SYTL4: variants seen among roughly 807,000 people sequenced by gnomAD.
The protein encoded by SYTL4 is synaptotagmin like 4.
A neutral mutation model predicts 52.7 loss-of-function variants in SYTL4; 16 were observed. The ratio of observed to expected loss-of-function variants is 0.30; its 90% CI spans 0.21 to 0.46. SYTL4 has a LOEUF of 0.46. SYTL4 is among the 20% of genes least tolerant of loss of function. The pLI, the probability that SYTL4 is intolerant of heterozygous loss-of-function variation, is 1.00. For synonymous variants in SYTL4, 160 were observed against 186.6 expected (o/e 0.86, Z 1.16); for missense variants, 423 against 519.9 (o/e 0.81, Z 1.81).
chrX:100,695,954 T>C (rs1450710350), intron 8 of SYTL4, among the ~76,000 whole-genome samples: 1 of 112,026 alleles, frequency 8.9e-6, no homozygotes, highest in South Asian at 3.8e-4. Context: ...ATGTACTCTT[T>C]ACTGCTTGGC....
rs566824239 is a variant in SYTL4, at chrX:100,700,254, C to T, written c.539+643G>A. On this transcript the variant is annotated intron_variant, in intron 8 of 19. Transcript: ENST00000372989. The stretch of plus-strand genomic sequence containing the variant: ...ATATATATCTCAATAAGGCTGTTAC[C>T]AAAAAAACTCCACTAAAAAAGTGAC... Among the ~76,000 whole-genome samples, 8 of 111,067 alleles carry T rather than the reference C, an allele frequency of 7.2e-5. No homozygotes were observed. The South Asian group carries it at 2.7e-3, about 37-fold the overall frequency.
intron 8 of SYTL4, among the ~76,000 whole-genome samples, chrX:100,699,974 A>T (rs1485756113): frequency 9.0e-6 from 1 of 111,492 alleles, no homozygotes; most frequent in Admixed American, 9.5e-5. Context: ...GAAAGAGGCA[A>T]GTCAAAAAGG....
intron 17 of SYTL4, among the ~76,000 whole-genome samples, chrX:100,679,875 C>A (rs192782266): frequency 1.2e-4 from 13 of 111,972 alleles, no homozygotes; most frequent in African/African-American, 4.2e-4. Context: ...ATTTAAATAT[C>A]TCTTTCTCCA....
rs952200357 is a variant in SYTL4 at position 100,675,754 on chromosome X, T to C, written c.*274A>G. ...AACCTTATAAAGACATAAGAAAAAA[T>C]GGACTCTGAAAATAAACTAGATTAT... On this transcript the variant is annotated 3_prime_UTR_variant, in exon 20 of 20. Coordinates refer to ENST00000372989, the MANE Select transcript of SYTL4 (RefSeq NM_001370165.1). 1.9e-4 allele frequency: 48 copies of C among 253,267 alleles called. No homozygotes were observed. The highest frequency in any genetic ancestry group is 1.3e-3 in the African/African-American group (47 of 35,449). The allele number at this position is 253,267 out of a possible 1,213,427, so 20.9% of individuals were successfully genotyped here.
chrX:100,713,624 GA>G (rs58842955), intron 2 of SYTL4, among the ~76,000 whole-genome samples: 5 of 101,725 alleles, frequency 4.9e-5, no homozygotes, highest in Admixed American at 1.1e-4. Flanking sequence ...TCAAAAGGGG[GA>G]AAAAAAAAAG....
chrX:100,674,685 G>A lies in SYTL4; in HGVS notation c.*1343C>T, dbSNP rs1376556766. On this transcript the variant is annotated 3_prime_UTR_variant, in exon 20 of 20. Coordinates refer to ENST00000372989, the MANE Select transcript of SYTL4 (RefSeq NM_001370165.1). ...AACCACTGTGGCTGCCCTTAATCCA[G>A]TGTGCTTATAGGAAATCAGTTAGCA... 9.0e-6 allele frequency: 1 copy of A among 111,566 alleles called. No individual in the cohort carries two copies. Among genetic ancestry groups the A allele is most frequent in the Non-Finnish European group, 1.9e-5 (1 of 53,135 alleles). The allele number at this position is 111,566 out of a possible 1,213,427, so 9.2% of individuals were successfully genotyped here. A position where few individuals can be genotyped will look rare whatever the true frequency, so the allele number is the denominator to read the frequency against.
At position 100,675,919 on chromosome X, in the gene SYTL4, C is replaced by CAT. The variant is rs2083269514; in HGVS notation, c.*107_*108dup. 1 of 694,842 alleles carries CAT rather than the reference C, an allele frequency of 1.4e-6. No individual in the cohort carries two copies. Among genetic ancestry groups the CAT allele is most frequent in the African/African-American group, 2.3e-5 (1 of 43,528 alleles). 57.3% of individuals were successfully genotyped at this position (694,842 alleles called of 1,213,427 possible). A position where few individuals can be genotyped will look rare whatever the true frequency, so the allele number is the denominator to read the frequency against. Reference sequence around the variant, plus strand: ...ATACACACACACACACACACACACACATACACACATACACACATACACATT... The same window carrying CAT: ...ATACACACACACACACACACACACACATATACACACATACACACATACACATT... On this transcript the variant is annotated 3_prime_UTR_variant, in exon 20 of 20. Coordinates refer to ENST00000372989, the MANE Select transcript of SYTL4 (RefSeq NM_001370165.1).
At position 100,681,353 on chromosome X, in the gene SYTL4, C is replaced by T; in HGVS notation, c.1450-18G>A. The stretch of plus-strand genomic sequence containing the variant: ...GCACTGATCTGAAACACAGGGAAAC[C>T]CAACAGGTCAAGCTGGGCTTCTCAA... On this transcript the variant is annotated intron_variant, in intron 16 of 19. Transcript: ENST00000372989. 8.7e-7 allele frequency: 1 copy of T among 1,151,666 alleles called. No individual in the cohort carries two copies. Among genetic ancestry groups the T allele is most frequent in the Non-Finnish European group, 1.2e-6 (1 of 844,895 alleles). The allele number at this position is 1,151,666 out of a possible 1,213,427, so 94.9% of individuals were successfully genotyped here. A position where few individuals can be genotyped will look rare whatever the true frequency, so the allele number is the denominator to read the frequency against.
chrX:100,701,743 A>T lies in SYTL4; in HGVS notation c.111-70T>A, dbSNP rs1015665804. 1.3e-4 allele frequency: 134 copies of T among 1,029,307 alleles called. 1 individual carries two copies. The highest frequency in any genetic ancestry group is 1.6e-4 in the Non-Finnish European group (120 of 738,896). 84.8% of individuals were successfully genotyped at this position (1,029,307 alleles called of 1,213,427 possible). A position where few individuals can be genotyped will look rare whatever the true frequency, so the allele number is the denominator to read the frequency against. ...ATAGATTGGATGGAGAGGGGTTGAGAGGTAAAGACAGTAAGACTATTTGGT... is the reference window on the plus strand; with the variant it reads ...ATAGATTGGATGGAGAGGGGTTGAGTGGTAAAGACAGTAAGACTATTTGGT... On this transcript the variant is annotated intron_variant, in intron 5 of 19. Coordinates refer to ENST00000372989, the MANE Select transcript of SYTL4 (RefSeq NM_001370165.1).
chrX:100,699,281 C>T (rs1167094815), intron 8 of SYTL4, among the ~76,000 whole-genome samples: 2 of 105,840 alleles, frequency 1.9e-5, no homozygotes, highest in African/African-American at 6.9e-5. Flanking sequence ...GCAGGAAAAT[C>T]GCTTGAACCT....
Position 100,698,222 on chromosome X carries a change from T to C in SYTL4, c.539+2675A>G, listed in dbSNP as rs376433918. 2.5e-3 allele frequency among the ~76,000 whole-genome samples: 271 copies of C among 108,828 alleles called. 13 individuals are homozygous for C. In the East Asian group the frequency reaches 0.039, roughly 16 times the overall value. 94.5% of individuals were successfully genotyped at this position (108,828 alleles called of 115,157 possible). A position where few individuals can be genotyped will look rare whatever the true frequency, so the allele number is the denominator to read the frequency against. On this transcript the variant is annotated intron_variant, in intron 8 of 19. Coordinates refer to ENST00000372989, the MANE Select transcript of SYTL4 (RefSeq NM_001370165.1). ...GGTTCACGCCATTCTCCTGCCTCAGTCTCCCCAGCAGCTGGGACTACAGGC... is the reference window on the plus strand; with the variant it reads ...GGTTCACGCCATTCTCCTGCCTCAGCCTCCCCAGCAGCTGGGACTACAGGC...
Position 100,678,454 on chromosome X carries a change from A to C in SYTL4, c.1804T>G (p.Trp602Gly), listed in dbSNP as rs765874299. ...TTGCTGGCCAGGGGCTCCCGGTCCCACACAGTCAGTTCCAGGCACATATGC... is the reference window on the plus strand; with the variant it reads ...TTGCTGGCCAGGGGCTCCCGGTCCCCCACAGTCAGTTCCAGGCACATATGC... The part of the protein sequence containing the change: ...LQHMCLELTV[W>G]DREPLASNDF... The change falls in exon 19 of 20, where the codon TGG (tryptophan) becomes GGG (glycine). Residue 602 changes from tryptophan (W) to glycine (G), a missense_variant. By Grantham distance (184) the Trp-to-Gly change is radical (BLOSUM62 -2). Transcript: ENST00000372989. 7 of 1,211,587 alleles carry C rather than the reference A, an allele frequency of 5.8e-6. No homozygotes were observed. The highest frequency in any genetic ancestry group is 7.8e-6 in the Non-Finnish European group (7 of 895,332).
chrX:100,691,283 C>T (rs1162943686), intron 8 of SYTL4, 74 bp from the exon 9 acceptor site: 2 of 699,873 alleles, frequency 2.9e-6, no homozygotes, highest in Non-Finnish European at 4.5e-6. Flanking sequence ...CTTTCCAATC[C>T]ATTCACAATC....
chrX:100,702,085 A>G lies in SYTL4; in HGVS notation c.-48T>C. On this transcript the variant is annotated 5_prime_UTR_variant, in exon 5 of 20. Coordinates refer to ENST00000372989, the MANE Select transcript of SYTL4 (RefSeq NM_001370165.1). ...ACTCTTCTTTCTTCAAAACAACCAGACAAGGAGAGCTACCAGAGTTGCCTG... is the reference window on the plus strand; with the variant it reads ...ACTCTTCTTTCTTCAAAACAACCAGGCAAGGAGAGCTACCAGAGTTGCCTG... 1.0e-6 allele frequency: 1 copy of G among 963,094 alleles called. No individual in the cohort carries two copies. Among genetic ancestry groups the G allele is most frequent in the Admixed American group, 2.5e-5 (1 of 39,499 alleles). The allele number at this position is 963,094 out of a possible 1,213,427, so 79.4% of individuals were successfully genotyped here. A position where few individuals can be genotyped will look rare whatever the true frequency, so the allele number is the denominator to read the frequency against.
chrX:100,731,368 G>A (rs1045620923), intron 2 of SYTL4, 50 bp downstream of exon 2: 4 of 113,121 alleles, frequency 3.5e-5, no homozygotes, highest in African/African-American at 1.3e-4. Flanking sequence ...CCCAAGCGCA[G>A]AGGGAGCCCA....
At chrX:100,676,525 G>A (rs1032355716) in intron 19 of SYTL4, among the ~76,000 whole-genome samples, 5 of 111,503 alleles carry the variant, frequency 4.5e-5, no homozygotes, top group African/African-American at 9.8e-5. Flanking sequence ...TCGCTCTGTC[G>A]CCAGGCTGGA....
chrX:100,717,844 C>T (rs191216143), intron 2 of SYTL4, among the ~76,000 whole-genome samples: 2 of 111,992 alleles, frequency 1.8e-5, no homozygotes, highest in East Asian at 2.8e-4. Flanking sequence ...AACACAAGTA[C>T]GGCCTCTTAT....
chrX:100,727,658 T>C (rs2084548197), intron 2 of SYTL4, among the ~76,000 whole-genome samples: 1 of 112,343 alleles, frequency 8.9e-6, no homozygotes. Context: ...AGACGTGTGG[T>C]GGCTTGGACT....
chrX:100,707,917 C>T (rs1367332222), intron 2 of SYTL4, among the ~76,000 whole-genome samples: 1 of 111,228 alleles, frequency 9.0e-6, no homozygotes, highest in African/African-American at 3.3e-5. Flanking sequence ...GGGACCCATG[C>T]CCATAAAAAT....
Sources: allele counts gnomAD v4.1 joint callset (sites outside exome capture counted in the v4.1 genomes callset), GRCh38; gene constraint gnomAD v4.1.1; transcripts MANE v1.5; gene names NCBI Gene and HGNC (gene_info 2026-07-23, HGNC 2026-07-21).